The following FBXO34 variants were observed in gnomAD, a reference collection of about 807,000 sequenced individuals.
The protein encoded by FBXO34 is F-box only protein 34.
In FBXO34, 12 loss-of-function variants were observed where a neutral mutation model predicts 24.5. That is an observed-to-expected ratio of 0.49 (90% confidence interval 0.31 to 0.79). The LOEUF (loss-of-function observed/expected upper bound fraction) is 0.79. Ranked by LOEUF, FBXO34 falls within the 30% of genes least tolerant of loss-of-function variation. The probability of loss-of-function intolerance (pLI) is 0.04; values close to 1 mark genes in which losing one functional copy is unlikely to be tolerated. For missense variants in FBXO34, 823 were observed against 857.7 expected (o/e 0.96, Z 0.51); for synonymous variants, 320 against 311.9 (o/e 1.03, Z -0.27).
intron 1 of FBXO34, among the ~76,000 whole-genome samples, chr14:55,307,588 A>G (rs1369438076): frequency 6.6e-6 from 1 of 152,236 alleles, no homozygotes; most frequent in African/African-American, 2.4e-5. Flanking sequence ...TAAACAAGGT[A>G]GAAAGAATGG....
the FBXO34 span, chr14:55,397,284 T>C: frequency 9.0e-7 from 1 of 1,110,980 alleles, no homozygotes; most frequent in Non-Finnish European, 1.4e-6. Flanking sequence ...AAGTTAGCAA[T>C]CCGTATATCT....
chr14:55,414,380 C>A, the FBXO34 span: 1 of 1,600,460 alleles, frequency 6.2e-7, no homozygotes, highest in South Asian at 1.1e-5. Context: ...ATGATATGCT[C>A]AGGCTTTTTT....
At chr14:55,322,244 AGCT>A (rs1566555104) in intron 1 of FBXO34, among the ~76,000 whole-genome samples, 2 of 149,928 alleles carry the variant, frequency 1.3e-5, no homozygotes, top group African/African-American at 4.9e-5. Context: ...CGGGAGGCGG[AGCT>A]TGCAGTGAGC....
intron 1 of FBXO34, among the ~76,000 whole-genome samples, chr14:55,291,395 C>T (rs1393725176): frequency 6.6e-6 from 1 of 152,158 alleles, no homozygotes; most frequent in Non-Finnish European, 1.5e-5. Context: ...TGGGGTGAAG[C>T]ATATGCAGCA....
At chr14:55,371,302 C>G (rs1442654922), downstream of FBXO34, among the ~76,000 whole-genome samples, 6 of 152,306 alleles carry the variant, frequency 3.9e-5, no homozygotes, top group Non-Finnish European at 8.8e-5. Context: ...GCACTGGCTT[C>G]CAACGCACCT....
At chr14:55,376,900 T>C in the FBXO34 span, among the ~76,000 whole-genome samples, 7 of 152,230 alleles carry the variant, frequency 4.6e-5, no homozygotes, top group Non-Finnish European at 1.0e-4. Flanking sequence ...CATGCTTTCA[T>C]GGGCTGAGAG....
rs1231093127 is a variant in FBXO34 at position 55,288,574 on chromosome 14, TCA to T, written c.-11+17038_-11+17039del. 3.3e-5 allele frequency among the ~76,000 whole-genome samples: 5 copies of T among 152,348 alleles called. No homozygotes were observed. The East Asian group carries it at 9.6e-4, about 29-fold the overall frequency. On this transcript the variant is annotated intron_variant, in intron 1 of 1. Coordinates refer to ENST00000313833, the MANE Select transcript of FBXO34 (RefSeq NM_017943.4). ...ATTTCTCAGAAATCCTCATTTTATT[TCA>T]GTCTGATTCATAGACTTTCAAATGA...
intron 1 of FBXO34, among the ~76,000 whole-genome samples, chr14:55,314,533 G>T (rs962841337): frequency 7.9e-6 from 1 of 125,974 alleles, no homozygotes; most frequent in African/African-American, 2.8e-5. Context: ...AATGGATTGG[G>T]TATCATTATG....
intron 1 of FBXO34, among the ~76,000 whole-genome samples, chr14:55,321,410 CTT>C (rs371710800): frequency 1.3e-4 from 18 of 143,928 alleles, no homozygotes; most frequent in Admixed American, 1.4e-4. Flanking sequence ...TGCAATGTTT[CTT>C]TTTTTTTTTT....
chr14:55,302,832 A>G (rs1361346752), intron 1 of FBXO34, among the ~76,000 whole-genome samples: 1 of 152,212 alleles, frequency 6.6e-6, no homozygotes, highest in Non-Finnish European at 1.5e-5. Context: ...AAAATCTTTT[A>G]AAAACTAATG....
At chr14:55,336,615 C>T (rs1566561477) in intron 1 of FBXO34, among the ~76,000 whole-genome samples, 1 of 152,060 alleles carries the variant, frequency 6.6e-6, no homozygotes, top group Non-Finnish European at 1.5e-5. Flanking sequence ...GTGAGAAACC[C>T]CCCACTTAGC....
intron 1 of FBXO34, among the ~76,000 whole-genome samples, chr14:55,315,366 G>A (rs1231100471): frequency 6.6e-6 from 1 of 152,082 alleles, no homozygotes; most frequent in Non-Finnish European, 1.5e-5. Flanking sequence ...ATCTGGACTG[G>A]TTGCCTACTG....
At chr14:55,363,338 T>C (rs1201327723), downstream of FBXO34, among the ~76,000 whole-genome samples, 2 of 148,162 alleles carry the variant, frequency 1.3e-5, no homozygotes, top group Non-Finnish European at 3.0e-5. Context: ...CTTGGCCTTT[T>C]CTTTTTTTCA....
chr14:55,353,494 G>A lies in FBXO34; in HGVS notation c.*968G>A, dbSNP rs1400989349. 2.4e-5 allele frequency: 4 copies of A among 167,016 alleles called. No homozygotes were observed. The East Asian group carries it at 7.7e-4, about 32-fold the overall frequency. 10.3% of individuals were successfully genotyped at this position (167,016 alleles called of 1,614,324 possible). ...GAAAACAATCCTTTGTTATATTTTA[G>A]TGATCCACAAGATTGAGAAAATATT... On this transcript the variant is annotated 3_prime_UTR_variant, in exon 2 of 2. Transcript: ENST00000313833.
the FBXO34 span, among the ~76,000 whole-genome samples, chr14:55,408,770 C>CA: frequency 2.6e-5 from 4 of 151,364 alleles, no homozygotes; most frequent in South Asian, 2.1e-4. Context: ...GATCCTGTCT[C>CA]AAAAAAAATA....
intron 1 of FBXO34, among the ~76,000 whole-genome samples, chr14:55,350,118 TCAGTTTCTGAAGTTCTTCAGTCAAAAC>T (rs901757387): frequency 2.0e-5 from 3 of 150,752 alleles, no homozygotes; most frequent in Admixed American, 2.0e-4. Flanking sequence ...TTAACTGAAG[TCAGTTTCTGAAGTTCTTCAGTCAAAAC>T]CAATTTATTT....
exon 3 of FBXO34, chr14:55,367,406 CA>C (rs1413400664): frequency 3.3e-5 from 5 of 152,250 alleles, no homozygotes; most frequent in African/African-American, 1.2e-4. Flanking sequence ...AGCAATCAAT[CA>C]TGAAGCTGAG....
At chr14:55,358,449 C>T (rs1039222172), downstream of FBXO34, among the ~76,000 whole-genome samples, 1 of 152,214 alleles carries the variant, frequency 6.6e-6, no homozygotes, top group Non-Finnish European at 1.5e-5. Flanking sequence ...CCTCCAGCAT[C>T]CTCCCACCCT....
At chr14:55,294,930 ATAGCT>A (rs1882069286) in intron 1 of FBXO34, among the ~76,000 whole-genome samples, 1 of 152,264 alleles carries the variant, frequency 6.6e-6, no homozygotes, top group South Asian at 2.1e-4. Context: ...ACCAAATATC[ATAGCT>A]TAGCCTAGCC....
Sources: gnomAD v4.1 joint callset for allele counts (sites outside exome capture counted in the v4.1 genomes callset) on GRCh38, gnomAD v4.1.1 for gene constraint, MANE v1.5 for transcripts, NCBI Gene and HGNC (gene_info 2026-07-23, HGNC 2026-07-21) for gene names.